AGBL4: variants seen among roughly 807,000 people sequenced by gnomAD.
AGBL4 encodes cytosolic carboxypeptidase 6.
Under a neutral mutation model 66.4 loss-of-function variants are expected in AGBL4, and 58 were observed. That is an observed-to-expected ratio of 0.87 (90% CI 0.71 to 1.09). The LOEUF (loss-of-function observed/expected upper bound fraction) is 1.09, where lower values mean the gene tolerates loss of function less well. Among genes scored for constraint, AGBL4 ranks in the 50% least tolerant of loss-of-function variants. The pLI is 0.00. For synonymous variants in AGBL4, 234 were observed against 222.9 expected, an observed-to-expected ratio of 1.05 and a Z score of -0.44; for missense variants, 579 against 631.0, an observed-to-expected ratio of 0.92 and a Z score of 0.88.
intron 6 of AGBL4, chr1:48,776,653 T>TCGCGGGGGGCG (rs905324420): frequency 6.7e-6 from 10 of 1,488,062 alleles, no homozygotes; most frequent in African/African-American, 3.0e-5. Context: ...CGCGCCCCAG[T>TCGCGGGGGGCG]CGCGGGGGGC....
At chr1:49,151,495 C>T (rs1409012665) in intron 4 of AGBL4, among the ~76,000 whole-genome samples, 1 of 150,112 alleles carries the variant, frequency 6.7e-6, no homozygotes, top group Non-Finnish European at 1.5e-5. Context: ...GCCCATTACC[C>T]ATCTGATGTG....
chr1:48,634,676 A>C (rs1645642077), intron 8 of AGBL4, 72 bp from the exon 9 acceptor site: 2 of 1,056,514 alleles, frequency 1.9e-6, no homozygotes, highest in Non-Finnish European at 2.8e-6. Context: ...AAATATGCTT[A>C]TGAGTAGGAG....
intron 11 of AGBL4, among the ~76,000 whole-genome samples, chr1:48,549,228 C>T (rs952069278): frequency 2.6e-5 from 4 of 152,222 alleles, no homozygotes; most frequent in Non-Finnish European, 5.9e-5. Flanking sequence ...TTAAGAGGCA[C>T]CTGCCTAGGA....
chr1:48,855,777 G>A (rs771489102), intron 6 of AGBL4, among the ~76,000 whole-genome samples: 3 of 151,992 alleles, frequency 2.0e-5, no homozygotes, highest in East Asian at 3.9e-4. Flanking sequence ...TAAGGCTACA[G>A]ATAAAAATTG....
At chr1:49,351,971 A>T (rs578082531) in intron 3 of AGBL4, among the ~76,000 whole-genome samples, 1 of 152,308 alleles carries the variant, frequency 6.6e-6, no homozygotes, top group Non-Finnish European at 1.5e-5. Flanking sequence ...GTGTTTTTTC[A>T]TTAAAAGGAT....
intron 3 of AGBL4, among the ~76,000 whole-genome samples, chr1:49,339,273 T>A (rs1389823340): frequency 6.6e-6 from 1 of 152,206 alleles, no homozygotes; most frequent in Non-Finnish European, 1.5e-5. Context: ...AATTTCTATA[T>A]TAAGTAAATT....
At chr1:49,007,856 C>A (rs1168291245) in intron 5 of AGBL4, among the ~76,000 whole-genome samples, 1 of 151,764 alleles carries the variant, frequency 6.6e-6, no homozygotes, top group Non-Finnish European at 1.5e-5. Flanking sequence ...CAGGCCTGCC[C>A]TAAATGAGCT....
At chr1:48,842,614 T>G (rs1273659209) in intron 6 of AGBL4, among the ~76,000 whole-genome samples, 1 of 152,188 alleles carries the variant, frequency 6.6e-6, no homozygotes, top group African/African-American at 2.4e-5. Flanking sequence ...GGAATGGTGG[T>G]TCCTCAGAAA....
At chr1:48,863,751 C>T (rs768426125) in intron 6 of AGBL4, among the ~76,000 whole-genome samples, 4 of 151,874 alleles carry the variant, frequency 2.6e-5, no homozygotes, top group African/African-American at 9.7e-5. Context: ...GTTATCCATA[C>T]ACACACAAAA....
At chr1:49,695,866 G>A (rs1646973235) in intron 3 of AGBL4, among the ~76,000 whole-genome samples, 1 of 152,040 alleles carries the variant, frequency 6.6e-6, no homozygotes, top group Non-Finnish European at 1.5e-5. Context: ...GGCTGTATTT[G>A]CACCCCCTTT....
At chr1:49,426,208 G>C (rs1440388041) in intron 3 of AGBL4, among the ~76,000 whole-genome samples, 1 of 152,178 alleles carries the variant, frequency 6.6e-6, no homozygotes, top group Non-Finnish European at 1.5e-5. Flanking sequence ...AGAGGGGTTA[G>C]AAGAAATGAG....
In AGBL4 at chr1:48,959,056, T is replaced by C. The variant is rs377651355; in HGVS notation, c.594+86528A>G. On this transcript the variant is annotated intron_variant, in intron 5 of 13. Coordinates refer to ENST00000371839, the MANE Select transcript of AGBL4 (RefSeq NM_032785.4). The stretch of plus-strand genomic sequence containing the variant: ...CTCAGGGCCTGGAGAATAGAAGTAT[T>C]CCACAAGTGATTTTTAAATCAATAC... Among the ~76,000 whole-genome samples, 68 of 152,304 alleles carry C rather than the reference T, an allele frequency of 4.5e-4. 1 individual carries two copies. The South Asian group carries it at 9.5e-3, about 21-fold the overall frequency.
intron 4 of AGBL4, among the ~76,000 whole-genome samples, chr1:49,172,788 G>C (rs776401184): frequency 3.3e-5 from 5 of 152,250 alleles, no homozygotes; most frequent in East Asian, 1.9e-4. Flanking sequence ...AGGGAAGCAT[G>C]GTAGGGGTTT....
chr1:48,541,293 C>A (rs1644064113), intron 11 of AGBL4, among the ~76,000 whole-genome samples: 1 of 152,184 alleles, frequency 6.6e-6, no homozygotes, highest in Admixed American at 6.5e-5. Flanking sequence ...TTTCCCACAA[C>A]CTCTTCTTCC....
intron 2 of AGBL4, among the ~76,000 whole-genome samples, chr1:49,814,579 G>C (rs1026704780): frequency 3.9e-5 from 6 of 151,986 alleles, no homozygotes; most frequent in African/African-American, 1.4e-4. Context: ...TTCACTCCCA[G>C]GTATTATTGA....
intron 3 of AGBL4, among the ~76,000 whole-genome samples, chr1:49,537,967 G>C (rs1651735316): frequency 6.6e-6 from 1 of 151,796 alleles, no homozygotes; most frequent in South Asian, 2.1e-4. Flanking sequence ...TGAAGATGTG[G>C]AGAAAAGAGA....
At chr1:49,561,018 C>T (rs1484840277) in intron 3 of AGBL4, among the ~76,000 whole-genome samples, 3 of 152,034 alleles carry the variant, frequency 2.0e-5, no homozygotes, top group Admixed American at 6.6e-5. Flanking sequence ...CCTGAAGGTA[C>T]AAACTCACTG....
chr1:49,502,416 A>G (rs1337572818), intron 3 of AGBL4, among the ~76,000 whole-genome samples: 1 of 152,082 alleles, frequency 6.6e-6, no homozygotes, highest in Non-Finnish European at 1.5e-5. Flanking sequence ...TTTTGCTACC[A>G]GAAGTGGGGT....
chr1:48,905,804 A>C (rs72893779), intron 5 of AGBL4, among the ~76,000 whole-genome samples: 5,579 of 152,292 alleles, frequency 0.037, 331 homozygotes, highest in African/African-American at 0.13. Context: ...ACATGGCAAT[A>C]CTACCACAGC....
Sources: gnomAD v4.1 joint callset for allele counts (sites outside exome capture counted in the v4.1 genomes callset) on GRCh38, gnomAD v4.1.1 for gene constraint, MANE v1.5 for transcripts, NCBI Gene and HGNC (gene_info 2026-07-23, HGNC 2026-07-21) for gene names.